ASCC1: variants seen among roughly 807,000 people sequenced by gnomAD.
ASCC1 encodes ASC-1 complex subunit P50.
ASCC1 carries 35 observed loss-of-function variants against 46.6 expected under a neutral mutation model. The ratio of observed to expected loss-of-function variants is 0.75; its 90% CI spans 0.57 to 0.99. The LOEUF is 0.99. Among genes scored for constraint, ASCC1 ranks in the 50% least tolerant of loss-of-function variants. The pLI is 0.00. For synonymous variants in ASCC1, 143 were observed against 146.6 expected, an observed-to-expected ratio of 0.98 and a Z score of 0.18; for missense variants, 376 against 428.7, an observed-to-expected ratio of 0.88 and a Z score of 1.09.
intron 7 of ASCC1, among the ~76,000 whole-genome samples, chr10:72,142,098 T>A (rs1235654970): frequency 6.6e-6 from 1 of 152,230 alleles, no homozygotes; most frequent in African/African-American, 2.4e-5. Context: ...TTCAATATGA[T>A]TGTTGATTTA....
chr10:72,162,904 T>C (rs369840326), intron 5 of ASCC1, among the ~76,000 whole-genome samples: 5 of 149,236 alleles, frequency 3.4e-5, no homozygotes, highest in African/African-American at 1.3e-4. Context: ...GATCACGCCA[T>C]TGCACTCCAG....
At chr10:72,215,443 A>T (rs41282258) in intron 1 of ASCC1, among the ~76,000 whole-genome samples, 5,125 of 152,336 alleles carry the variant, frequency 0.034, 131 homozygotes, top group Admixed American at 0.05. Context: ...GCGCTTACAG[A>T]ACCAAGAAGA....
intron 8 of ASCC1, 98 bp downstream of exon 8, chr10:72,132,959 T>C (rs1288214352): frequency 5.3e-6 from 8 of 1,499,232 alleles, no homozygotes; most frequent in Admixed American, 5.0e-5. Context: ...AAAAAGAAGC[T>C]ATATCAGAGA....
intron 5 of ASCC1, among the ~76,000 whole-genome samples, chr10:72,191,444 C>T (rs1211512072): frequency 6.6e-6 from 1 of 151,366 alleles, no homozygotes; most frequent in Non-Finnish European, 1.5e-5. Flanking sequence ...GTGTATAAAA[C>T]ATACTATGTG....
chr10:72,175,640 C>A (rs1851772380), intron 5 of ASCC1, among the ~76,000 whole-genome samples: 1 of 152,110 alleles, frequency 6.6e-6, no homozygotes, highest in Admixed American at 6.6e-5. Context: ...TTTATACTGA[C>A]CAGAGAAAAG....
intron 7 of ASCC1, among the ~76,000 whole-genome samples, chr10:72,144,867 A>G (rs760831161): frequency 1.4e-4 from 21 of 152,028 alleles, no homozygotes; most frequent in Admixed American, 7.9e-4. Context: ...TTTACCCACG[A>G]TTGCTTTCTG....
rs1854621553 is a variant in ASCC1, at chr10:72,192,238, G to A, written c.489+4573C>T. Among the ~76,000 whole-genome samples the A allele has an allele frequency of 3.9e-5, 6 of 151,984 alleles. No individual in the cohort carries two copies. In the South Asian group the frequency reaches 1.2e-3, roughly 32 times the overall value. ...TGGGAGGCTGAGGCAGGTGGATCAC[G>A]AGGTCAGGAGTTCAAGACCGGCCTG... On this transcript the variant is annotated intron_variant, in intron 5 of 9. Coordinates refer to ENST00000672957, the MANE Select transcript of ASCC1 (RefSeq NM_001198800.3).
At position 72,177,296 on chromosome 10, in the gene ASCC1, A is replaced by G. The variant is rs76524996; in HGVS notation, c.490-15622T>C. Among the ~76,000 whole-genome samples, 197 of 152,300 alleles carry G rather than the reference A, an allele frequency of 1.3e-3. 3 individuals carry two copies. The East Asian group carries it at 0.037, about 28-fold the overall frequency. On this transcript the variant is annotated intron_variant, in intron 5 of 9. Coordinates refer to ENST00000672957, the MANE Select transcript of ASCC1 (RefSeq NM_001198800.3). ...TTTACAATTTTCCTTACAACCAAAG[A>G]CAACTATCCCATCTTCATTCTAAAT...
intron 5 of ASCC1, among the ~76,000 whole-genome samples, chr10:72,163,469 T>C (rs975325253): frequency 6.6e-5 from 10 of 152,150 alleles, no homozygotes; most frequent in Non-Finnish European, 1.3e-4. Flanking sequence ...CCGCGGTGGC[T>C]CATGCCTGTA....
intron 9 of ASCC1, among the ~76,000 whole-genome samples, chr10:72,126,205 G>A (rs1844846393): frequency 6.6e-6 from 1 of 152,160 alleles, no homozygotes; most frequent in Non-Finnish European, 1.5e-5. Context: ...TTCAGATTCT[G>A]CTACTAACTA....
Position 72,168,121 on chromosome 10 carries a change from G to A in ASCC1, c.490-6447C>T, listed in dbSNP as rs905654609. On this transcript the variant is annotated intron_variant, in intron 5 of 9. Coordinates refer to ENST00000672957, the MANE Select transcript of ASCC1 (RefSeq NM_001198800.3). ...CAGCAGAATTGCTTGAACCTGGGAG[G>A]TGGAGGTTGCAGTGAGCCGAGATCG... 2.0e-5 allele frequency among the ~76,000 whole-genome samples: 3 copies of A among 152,184 alleles called. No homozygotes were observed. The East Asian group carries it at 5.8e-4, about 29-fold the overall frequency.
In ASCC1 at chr10:72,152,946, C is replaced by A; in HGVS notation, c.669G>T (p.Gly223=). 1.2e-6 allele frequency: 2 copies of A among 1,614,090 alleles called. No individual in the cohort carries two copies. Among genetic ancestry groups the A allele is most frequent in the South Asian group, 1.1e-5 (1 of 91,080 alleles). Residue 223 remains glycine (G), a synonymous_variant, in exon 7 of 10, where the codon GGG becomes GGT. Coordinates refer to ENST00000672957, the MANE Select transcript of ASCC1 (RefSeq NM_001198800.3). ...GGKPLEVEMA[G]IEYMNDDPGM... is the part of the protein sequence containing the mutation. ...CAGGATCATCATTCATGTATTCTATCCCTGCCATCTCCACTTCTAGGGGTT... is the reference window on the plus strand; with the variant it reads ...CAGGATCATCATTCATGTATTCTATACCTGCCATCTCCACTTCTAGGGGTT...
intron 5 of ASCC1, among the ~76,000 whole-genome samples, chr10:72,181,982 G>A (rs1011157888): frequency 3.9e-5 from 6 of 152,164 alleles, no homozygotes; most frequent in South Asian, 4.2e-4. Context: ...CACCGCACCC[G>A]GCCTCCAGTA....
chr10:72,197,086 T>TTCTGAATGCGTATATGAATC, intron 4 of ASCC1, 97 bp from the exon 5 acceptor site: 2 of 1,111,236 alleles, frequency 1.8e-6, no homozygotes, highest in South Asian at 2.5e-5. Flanking sequence ...GCTAAAGCAG[T>TTCTGAATGCGTATATGAATC]TCTGAATGCG....
At chr10:72,129,306 A>G (rs1270576466) in intron 8 of ASCC1, among the ~76,000 whole-genome samples, 3 of 152,266 alleles carry the variant, frequency 2.0e-5, no homozygotes, top group Admixed American at 6.5e-5. Flanking sequence ...AAACAACACA[A>G]ATGTCCACCA....
At position 72,150,361 on chromosome 10, in the gene ASCC1, G is replaced by A. The variant is rs142661516; in HGVS notation, c.746+2508C>T. ...AGAAACCTTATAAGAAATCCTGCAG[G>A]AAAGCAAATAAATGTGGGAGCCTGC... On this transcript the variant is annotated intron_variant, in intron 7 of 9. Coordinates refer to ENST00000672957, the MANE Select transcript of ASCC1 (RefSeq NM_001198800.3). Among the ~76,000 whole-genome samples, 16 of 152,152 alleles carry A rather than the reference G, an allele frequency of 1.1e-4. No individual in the cohort carries two copies. In the East Asian group the frequency reaches 2.9e-3, roughly 28 times the overall value.
intron 9 of ASCC1, among the ~76,000 whole-genome samples, chr10:72,119,710 T>C (rs918857001): frequency 1.4e-5 from 2 of 144,546 alleles, no homozygotes; most frequent in African/African-American, 5.2e-5. Context: ...CTACAAGACA[T>C]AGTAAAAGGA....
intron 9 of ASCC1, among the ~76,000 whole-genome samples, chr10:72,114,518 G>A (rs1001557129): frequency 5.3e-5 from 8 of 151,718 alleles, no homozygotes; most frequent in Admixed American, 2.0e-4. Flanking sequence ...CCAGCTACTC[G>A]GGAGGCTGAG....
At chr10:72,102,925 A>G (rs758337084) in intron 9 of ASCC1, 5 of 440,136 alleles carry the variant, frequency 1.1e-5, no homozygotes, top group Non-Finnish European at 2.3e-5. Flanking sequence ...CAGTGAGCGG[A>G]GATTGCATCA....
Sources: gnomAD v4.1 joint callset for allele counts (sites outside exome capture counted in the v4.1 genomes callset) on GRCh38, gnomAD v4.1.1 for gene constraint, MANE v1.5 for transcripts, NCBI Gene and HGNC (gene_info 2026-07-23, HGNC 2026-07-21) for gene names.